PCF11: variants seen among roughly 807,000 people sequenced by gnomAD.
The protein encoded by PCF11 is pre-mRNA cleavage complex 2 protein Pcf11.
In PCF11, 19 loss-of-function variants were observed where a neutral mutation model predicts 166.1. The observed-to-expected ratio is 0.11, with a 90% confidence interval of 0.08 to 0.17. The LOEUF is 0.17. Among genes scored for constraint, PCF11 ranks in the 10% least tolerant of loss-of-function variants. PCF11 has a pLI of 1.00. For synonymous variants in PCF11, 663 were observed against 644.1 expected (o/e 1.03, Z -0.44); for missense variants, 1,565 against 1,855.5 (o/e 0.84, Z 2.88).
intron 3 of PCF11, 80 bp from the exon 4 acceptor site, chr11:83,164,127 G>T: frequency 1.1e-6 from 1 of 918,848 alleles, no homozygotes; most frequent in East Asian, 2.6e-5. Flanking sequence ...ATCATATTAA[G>T]AGTTAAGCTG....
chr11:83,167,043 C>T lies in PCF11; in HGVS notation c.1818-82C>T. On this transcript the variant is annotated intron_variant, in intron 5 of 15. Coordinates refer to ENST00000298281, the Ensembl canonical transcript of PCF11. This position sits in a 1 kb window ranked among gnomAD's most constrained non-coding sequence, Gnocchi z 4.2. ...TACATATGCCCATTTTAACCATATC[C>T]TTTGAAAAGAATCTTTAAATATGGT... is the stretch of plus-strand genomic sequence containing the variant. The T allele has an allele frequency of 8.8e-7, 1 of 1,134,062 alleles. No individual in the cohort carries two copies. The highest frequency in any genetic ancestry group is 1.3e-6 in the Non-Finnish European group (1 of 787,372). The allele number at this position is 1,134,062 out of a possible 1,614,324, so 70.2% of individuals were successfully genotyped here.
intron 5 of PCF11, 35 bp downstream of exon 5, chr11:83,166,749 T>C: frequency 6.6e-7 from 1 of 1,503,974 alleles, no homozygotes; most frequent in Non-Finnish European, 8.9e-7. Context: ...AGTGTAGTAG[T>C]GTATATGTTT....
chr11:83,173,871 C>T (rs1379905476), intron 9 of PCF11, among the ~76,000 whole-genome samples: 1 of 151,778 alleles, frequency 6.6e-6, no homozygotes, highest in Non-Finnish European at 1.5e-5. Context: ...GCTGGGACTA[C>T]AGGCACATGC....
chr11:83,185,022 A>G, exon 16 of PCF11: 1 of 593,522 alleles, frequency 1.7e-6, no homozygotes, highest in Non-Finnish European at 2.9e-6. Flanking sequence ...GCCTTCAGCT[A>G]TCATTTGGTT....
Position 83,168,411 on chromosome 11 carries a change from T to C in PCF11, c.2093-17T>C. ...TAAGATAACTTTAGTGAAAATAATT[T>C]TTTTCCTTTTTAAAAGGTGTGCGAG... is the stretch of plus-strand genomic sequence containing the variant. On this transcript the variant is annotated splice_polypyrimidine_tract_variant and intron_variant, in intron 7 of 15. Coordinates refer to ENST00000298281, the Ensembl canonical transcript of PCF11. 1 of 1,549,342 alleles carries C rather than the reference T, an allele frequency of 6.5e-7. No individual in the cohort carries two copies. The highest frequency in any genetic ancestry group is 1.2e-5 in the South Asian group (1 of 81,386).
At chr11:83,166,638 C>T in exon 5 of PCF11, 1 of 1,610,462 alleles carries the variant, frequency 6.2e-7, no homozygotes, top group Non-Finnish European at 8.5e-7. Context: ...AGGCACTGAA[C>T]CAAAGGAGAA....
chr11:83,168,481 C>T, exon 8 of PCF11: 3 of 1,612,838 alleles, frequency 1.9e-6, no homozygotes, highest in Non-Finnish European at 2.5e-6. Flanking sequence ...ACTTAAGCGA[C>T]CTCGATATGA....
In PCF11 at chr11:83,167,726, G is replaced by T; in HGVS notation, c.2092+221G>T. The T allele has an allele frequency of 6.7e-7, 1 of 1,482,560 alleles. No homozygotes were observed. The highest frequency in any genetic ancestry group is 9.0e-7 in the Non-Finnish European group (1 of 1,113,916). 91.8% of individuals were successfully genotyped at this position (1,482,560 alleles called of 1,614,324 possible). On this transcript the variant is annotated intron_variant, in intron 7 of 15. Transcript: ENST00000298281. This position sits in a 1 kb window ranked among gnomAD's most constrained non-coding sequence, Gnocchi z 4.2. Reference sequence around the variant, plus strand: ...CCTTGTTGTCTGGAATAGAATGTGAGCCATCCAAAAGTAAACATGCAAGTA... The same window carrying T: ...CCTTGTTGTCTGGAATAGAATGTGATCCATCCAAAAGTAAACATGCAAGTA...
exon 8 of PCF11, chr11:83,169,563 T>C (rs974736710): frequency 6.2e-7 from 1 of 1,613,874 alleles, no homozygotes; most frequent in Non-Finnish European, 8.5e-7. Flanking sequence ...AGAGGTTTGA[T>C]GGACCACCTG....
intron 1 of PCF11, chr11:83,158,887 C>G (rs1270091890): frequency 6.6e-6 from 1 of 152,090 alleles, no homozygotes; most frequent in Non-Finnish European, 1.5e-5. Context: ...ATGTATTTGT[C>G]TTTTTTATTT....
intron 11 of PCF11, among the ~76,000 whole-genome samples, chr11:83,178,037 A>G (rs1296881941): frequency 2.6e-5 from 4 of 151,878 alleles, no homozygotes; most frequent in Non-Finnish European, 4.4e-5. Flanking sequence ...TCTGCTGTAC[A>G]AGTACTTGGG....
chr11:83,187,428 C>G (rs922743870), exon 16 of PCF11: 2 of 152,090 alleles, frequency 1.3e-5, no homozygotes, highest in African/African-American at 4.8e-5. Flanking sequence ...AACTGTTGAC[C>G]TAAGAACAGC....
At chr11:83,182,910 A>G (rs1861131848) in intron 14 of PCF11, 128 bp from the exon 15 acceptor site, 1 of 688,748 alleles carries the variant, frequency 1.5e-6, no homozygotes, top group Non-Finnish European at 2.5e-6. Context: ...GGTTTTATCC[A>G]TTTTGGGACC....
intron 9 of PCF11, among the ~76,000 whole-genome samples, chr11:83,175,301 T>C (rs1380694858): frequency 6.6e-6 from 1 of 152,140 alleles, no homozygotes; most frequent in East Asian, 1.9e-4. Context: ...CCGGCTAATT[T>C]TTGTATTTTT....
At chr11:83,171,170 G>C in intron 8 of PCF11, 1 of 375,432 alleles carries the variant, frequency 2.7e-6, no homozygotes, top group Non-Finnish European at 5.3e-6. Flanking sequence ...TATAGTTCTT[G>C]CTCCATGACT....
chr11:83,168,979 C>G, exon 8 of PCF11: 1 of 1,613,766 alleles, frequency 6.2e-7, no homozygotes, highest in Non-Finnish European at 8.5e-7. Context: ...TGAGGGACAT[C>G]GTGGTCAACC....
intron 3 of PCF11, 121 bp downstream of exon 3, chr11:83,163,988 A>G: frequency 3.7e-6 from 2 of 533,718 alleles, no homozygotes; most frequent in South Asian, 3.4e-5. Flanking sequence ...TTCAATTTGA[A>G]AAAAAAAAAA....
chr11:83,160,346 C>CT (rs373734812), intron 1 of PCF11, among the ~76,000 whole-genome samples: 1,497 of 78,756 alleles, frequency 0.019, 17 homozygotes, highest in Non-Finnish European at 0.022. Context: ...TTTTTTTTGT[C>CT]TTTTTTTTTT....
At chr11:83,170,246 G>GT (rs1329063614) in intron 8 of PCF11, among the ~76,000 whole-genome samples, 7 of 151,842 alleles carry the variant, frequency 4.6e-5, no homozygotes, top group African/African-American at 1.7e-4. Flanking sequence ...CTCCAGCTCT[G>GT]TTTTTTCTTT....
Sources: allele counts gnomAD v4.1 joint callset (sites outside exome capture counted in the v4.1 genomes callset), GRCh38; gene constraint gnomAD v4.1.1; non-coding constraint Gnocchi (gnomAD v3.1); transcripts MANE v1.5; gene names NCBI Gene and HGNC (gene_info 2026-07-23, HGNC 2026-07-21).